Variants in SLA2 observed in about 807,000 individuals in gnomAD.
SLA2 encodes the protein src-like-adapter 2.
SLA2 carries 22 observed loss-of-function variants against 27.3 expected under a neutral mutation model. The observed-to-expected ratio is 0.81, with a 90% CI of 0.58 to 1.15. SLA2 has a LOEUF of 1.15. Ranked by LOEUF, SLA2 falls within the 50% of genes most tolerant of loss-of-function variation. The pLI is 0.00. For synonymous variants in SLA2, 131 were observed against 137.8 expected (o/e 0.95, Z 0.34); for missense variants, 304 against 322.2 (o/e 0.94, Z 0.43).
intron 5 of SLA2, among the ~76,000 whole-genome samples, chr20:36,624,983 C>G (rs1439834340): frequency 6.6e-6 from 1 of 152,142 alleles, no homozygotes; most frequent in Non-Finnish European, 1.5e-5. Flanking sequence ...CCTCTCTCCC[C>G]CTCTCAACAT....
intron 5 of SLA2, among the ~76,000 whole-genome samples, chr20:36,615,606 T>C (rs2039200789): frequency 6.6e-6 from 1 of 152,170 alleles, no homozygotes; most frequent in Admixed American, 6.6e-5. Context: ...GTACAGGGTC[T>C]GGCACTGTGT....
chr20:36,624,435 T>C (rs1223048892), intron 5 of SLA2, among the ~76,000 whole-genome samples: 1 of 152,042 alleles, frequency 6.6e-6, no homozygotes, highest in Non-Finnish European at 1.5e-5. Context: ...TTGTTTCCTC[T>C]TGGCACTTAT....
rs527330106 is a variant in SLA2, at chr20:36,625,795, C to T, written c.382+6800G>A. Reference sequence around the variant, plus strand: ...TGAACCATGATTGTGCCACTGCACTCCAGCCTGGGCAATAGAGTGAGATCC... The same window carrying T: ...TGAACCATGATTGTGCCACTGCACTTCAGCCTGGGCAATAGAGTGAGATCC... On this transcript the variant is annotated intron_variant, in intron 5 of 7. Transcript: ENST00000262866. 1.2e-3 allele frequency among the ~76,000 whole-genome samples: 183 copies of T among 149,970 alleles called. 1 individual carries two copies. Among genetic ancestry groups the T allele is most frequent in the African/African-American group, 4.5e-3 (181 of 40,620 alleles).
Position 36,632,647 on chromosome 20 carries a change from T to A in SLA2, c.330A>T (p.Leu110Phe). ...SREKAEELLL[L>F]PGNPGGAFLI... is the part of the protein sequence containing the mutation. The stretch of plus-strand genomic sequence containing the variant: ...GGAAGGCCCCTCCAGGGTTCCCAGG[T>A]AACAACAGCAGTTCCTCTGCTTTCT... The change falls in exon 5 of 8, where the codon TTA becomes TTT. Residue 110 changes from leucine (L) to phenylalanine (F), a missense_variant. Leu to Phe is a conservative substitution (Grantham distance 22). Transcript: ENST00000262866. The A allele has an allele frequency of 6.2e-7, 1 of 1,614,130 alleles. No homozygotes were observed. Among genetic ancestry groups the A allele is most frequent in the Non-Finnish European group, 8.5e-7 (1 of 1,180,000 alleles).
intron 1 of SLA2, among the ~76,000 whole-genome samples, chr20:36,644,313 C>T (rs1978285972): frequency 6.6e-6 from 1 of 152,132 alleles, no homozygotes; most frequent in African/African-American, 2.4e-5. Flanking sequence ...CCCACTTGAA[C>T]CTGGCTGGAG....
intron 3 of SLA2, 87 bp from the exon 4 acceptor site, chr20:36,633,716 A>C: frequency 8.8e-7 from 1 of 1,136,378 alleles, no homozygotes; most frequent in Non-Finnish European, 1.3e-6. Context: ...GGACCCTCTC[A>C]GGCTGGATCC....
chr20:36,634,621 T>C (rs763377777), intron 2 of SLA2, 32 bp from the exon 3 acceptor site: 2 of 1,441,504 alleles, frequency 1.4e-6, no homozygotes, highest in South Asian at 2.4e-5. Flanking sequence ...GTCACCTACT[T>C]AGCTAGCCCT....
At chr20:36,635,196 G>A (rs540889105) in intron 2 of SLA2, among the ~76,000 whole-genome samples, 39 of 151,042 alleles carry the variant, frequency 2.6e-4, no homozygotes, top group African/African-American at 7.6e-4. Flanking sequence ...TATGACCGCC[G>A]AGCCTTGTAG....
At chr20:36,617,533 C>CAAAA (rs1159077334) in intron 5 of SLA2, among the ~76,000 whole-genome samples, 1 of 56,816 alleles carries the variant, frequency 1.8e-5, no homozygotes, top group Non-Finnish European at 3.7e-5. Context: ...GACCCTGTCT[C>CAAAA]AAAAAAAAAA....
intron 5 of SLA2, among the ~76,000 whole-genome samples, chr20:36,630,011 T>C (rs11906257): frequency 3.1e-4 from 47 of 152,172 alleles, no homozygotes; most frequent in African/African-American, 1.1e-3. Context: ...TGTGTCTTTT[T>C]AGGTAAGGGG....
chr20:36,632,636 G>C lies in SLA2; in HGVS notation c.341C>G (p.Pro114Arg). The C allele has an allele frequency of 6.2e-7, 1 of 1,614,178 alleles. No homozygotes were observed. Among genetic ancestry groups the C allele is most frequent in the East Asian group, 2.2e-5 (1 of 44,884 alleles). ...CTCCCGGATGAGGAAGGCCCCTCCA[G>C]GGTTCCCAGGTAACAACAGCAGTTC... The part of the protein sequence containing the change: ...AEELLLLPGN[P>R]GGAFLIRESQ... The change falls in exon 5 of 8, where the codon CCT (proline) becomes CGT (arginine). Residue 114 changes from proline (P) to arginine (R), a missense_variant. Coordinates refer to ENST00000262866, the MANE Select transcript of SLA2 (RefSeq NM_032214.4).
intron 7 of SLA2, 25 bp from the exon 8 acceptor site, chr20:36,614,011 G>T: frequency 1.2e-6 from 2 of 1,611,826 alleles, no homozygotes; most frequent in Admixed American, 1.7e-5. Flanking sequence ...AGATAATTGG[G>T]TCAAGAAGCC....
intron 5 of SLA2, among the ~76,000 whole-genome samples, chr20:36,631,580 T>C (rs1213928144): frequency 5.9e-5 from 9 of 152,318 alleles, no homozygotes; most frequent in Admixed American, 5.9e-4. Flanking sequence ...CATTTGGCCT[T>C]CTGCCCCACC....
chr20:36,638,123 C>T (rs2039471403), intron 2 of SLA2, among the ~76,000 whole-genome samples: 1 of 151,720 alleles, frequency 6.6e-6, no homozygotes, highest in African/African-American at 2.4e-5. Context: ...GAACTCCTGA[C>T]CTCATGATCC....
chr20:36,621,809 A>G (rs2039286055), intron 5 of SLA2, among the ~76,000 whole-genome samples: 1 of 152,034 alleles, frequency 6.6e-6, no homozygotes, highest in African/African-American at 2.4e-5. Context: ...CCCAGCCAGG[A>G]ATTTGAGACA....
chr20:36,633,737 T>G (rs2039416187), intron 3 of SLA2, 108 bp from the exon 4 acceptor site: 1 of 828,810 alleles, frequency 1.2e-6, no homozygotes, highest in Non-Finnish European at 2.0e-6. Context: ...TGTGGCCACC[T>G]GTCCTGCCTG....
intron 5 of SLA2, among the ~76,000 whole-genome samples, chr20:36,619,634 CTT>C (rs746175162): frequency 1.3e-4 from 17 of 132,806 alleles, no homozygotes; most frequent in Non-Finnish European, 1.1e-4. Flanking sequence ...AAATTTTTTT[CTT>C]TTTTTTTTTT....
At chr20:36,630,875 C>T (rs1470346011) in intron 5 of SLA2, among the ~76,000 whole-genome samples, 10 of 152,192 alleles carry the variant, frequency 6.6e-5, no homozygotes, top group African/African-American at 9.7e-5. Flanking sequence ...GCATGTGGCC[C>T]GTTCCTACTC....
intron 2 of SLA2, among the ~76,000 whole-genome samples, chr20:36,635,123 C>T (rs1388441862): frequency 1.3e-5 from 2 of 151,894 alleles, no homozygotes; most frequent in Admixed American, 1.3e-4. Flanking sequence ...AGGGCACCCT[C>T]AGCACAGCAC....
Sources: allele counts gnomAD v4.1 joint callset (sites outside exome capture counted in the v4.1 genomes callset), GRCh38; gene constraint gnomAD v4.1.1; transcripts MANE v1.5; gene names NCBI Gene and HGNC (gene_info 2026-07-23, HGNC 2026-07-21).